COL5A1: variants seen among roughly 807,000 people sequenced by gnomAD.
COL5A1 encodes the protein collagen type V alpha 1 chain.
Under a neutral mutation model 263.7 loss-of-function variants are expected in COL5A1, and 16 were observed. The observed-to-expected ratio is 0.06, with a 90% CI of 0.04 to 0.09. COL5A1 has a LOEUF of 0.09. COL5A1 is among the 10% of genes least tolerant of loss of function. The probability of loss-of-function intolerance (pLI) is 1.00; values close to 1 mark genes in which losing one functional copy is unlikely to be tolerated. For missense variants in COL5A1, 2,036 were observed against 2,540.5 expected, an observed-to-expected ratio of 0.80 and a Z score of 4.27; for synonymous variants, 1,012 against 1,004.5, an observed-to-expected ratio of 1.01 and a Z score of -0.14.
intron 20 of COL5A1, 28 bp downstream of exon 20, chr9:134,763,765 G>T (rs1349267666): frequency 6.2e-7 from 1 of 1,609,254 alleles, no homozygotes; most frequent in South Asian, 1.1e-5. Flanking sequence ...GTGGGACGGT[G>T]GGGGCTCAGT....
chr9:134,777,000 G>C (rs755167431), intron 27 of COL5A1, among the ~76,000 whole-genome samples: 5 of 152,200 alleles, frequency 3.3e-5, no homozygotes, highest in Non-Finnish European at 5.9e-5. Flanking sequence ...CCACCTCCTA[G>C]TTCCATTGCC....
At chr9:134,746,670 C>T (rs1835525176) in intron 11 of COL5A1, among the ~76,000 whole-genome samples, 1 of 152,276 alleles carries the variant, frequency 6.6e-6, no homozygotes, top group Admixed American at 6.5e-5. Context: ...ATAGGTATGA[C>T]ACTGAGAGCC....
intron 23 of COL5A1, 31 bp from the exon 24 acceptor site, chr9:134,767,279 C>T (rs1226271388): frequency 1.2e-6 from 2 of 1,612,548 alleles, no homozygotes; most frequent in East Asian, 2.2e-5. Context: ...AGCGCCCTCA[C>T]CTTCCCTTTC....
intron 1 of COL5A1, among the ~76,000 whole-genome samples, chr9:134,668,954 C>CCCATCCAT (rs760262319): frequency 0.32 from 34,930 of 110,238 alleles, 5,974 homozygotes; most frequent in African/African-American, 0.35. Flanking sequence ...CACCCACCCA[C>CCCATCCAT]CCATCCATCC....
intron 8 of COL5A1, 91 bp downstream of exon 8, chr9:134,731,754 G>A: frequency 7.1e-7 from 1 of 1,402,250 alleles, no homozygotes; most frequent in Non-Finnish European, 9.7e-7. Flanking sequence ...TCAGGGGTGG[G>A]CCTCTACGGG....
chr9:134,797,268 G>C (rs56013298), intron 36 of COL5A1, among the ~76,000 whole-genome samples: 10,968 of 152,320 alleles, frequency 0.072, 625 homozygotes, highest in African/African-American at 0.15. Context: ...TGGCTCTTCT[G>C]TCACAGCCCT....
intron 2 of COL5A1, among the ~76,000 whole-genome samples, chr9:134,697,237 C>T (rs12379870): frequency 0.041 from 6,171 of 152,132 alleles, 145 homozygotes; most frequent in South Asian, 0.074. Flanking sequence ...TGTCATGACT[C>T]GAATGGGCCA....
At chr9:134,643,380 C>A (rs1028254679) in intron 1 of COL5A1, among the ~76,000 whole-genome samples, 1 of 152,160 alleles carries the variant, frequency 6.6e-6, no homozygotes, top group Non-Finnish European at 1.5e-5. Context: ...GCTCAGCGAA[C>A]GTCTGGACCA....
chr9:134,767,177 C>T lies in COL5A1; in HGVS notation c.2187+124C>T, dbSNP rs963492245. The T allele has an allele frequency of 4.3e-6, 6 of 1,402,862 alleles. No individual in the cohort carries two copies. The East Asian group carries it at 1.4e-4, about 32-fold the overall frequency. 86.9% of individuals were successfully genotyped at this position (1,402,862 alleles called of 1,614,324 possible). A position where few individuals can be genotyped will look rare whatever the true frequency, so the allele number is the denominator to read the frequency against. On this transcript the variant is annotated intron_variant, in intron 23 of 65. Coordinates refer to ENST00000371817, the MANE Select transcript of COL5A1 (RefSeq NM_000093.5). ...TCCAAGTAGCAGCCCCTCCCCTTATCTGGAGGGAGACTAGGACCTGGGTTG... is the reference window on the plus strand; with the variant it reads ...TCCAAGTAGCAGCCCCTCCCCTTATTTGGAGGGAGACTAGGACCTGGGTTG...
At chr9:134,833,172 T>C (rs1223622721) in intron 64 of COL5A1, among the ~76,000 whole-genome samples, 1 of 152,240 alleles carries the variant, frequency 6.6e-6, no homozygotes, top group African/African-American at 2.4e-5. Flanking sequence ...AGGTCCTGCC[T>C]AGGCCAGGAG....
In COL5A1 at chr9:134,815,600, C is replaced by T. The variant is rs769470285; in HGVS notation, c.4039C>T (p.Pro1347Ser). The stretch of plus-strand genomic sequence containing the variant: ...GGGCCCAGTGGGTTTTCCTGGAGAT[C>T]CTGGCCCCCCCGGAGAGCCTGGCCC... ...SPGPVGFPGD[P>S]GPPGEPGPAG... The change falls in exon 51 of 66, where the codon CCT becomes TCT. Residue 1347 changes from proline (P) to serine (S), a missense_variant. Transcript: ENST00000371817. The T allele has an allele frequency of 3.1e-6, 5 of 1,613,752 alleles. No homozygotes were observed. The highest frequency in any genetic ancestry group is 2.2e-5 in the East Asian group (1 of 44,862).
At chr9:134,756,325 G>A (rs1275803857) in intron 16 of COL5A1, among the ~76,000 whole-genome samples, 2 of 152,206 alleles carry the variant, frequency 1.3e-5, no homozygotes, top group Non-Finnish European at 2.9e-5. Flanking sequence ...AACCAGATGT[G>A]TCCTTTCTCT....
Position 134,795,172 on chromosome 9 carries a change from T to A in COL5A1, c.2745+46T>A, listed in dbSNP as rs755551893. ...TGGGCATGTTTGGGAAACGGGAGCA[T>A]GGTTTAGGGAGCACGTGCCAGGGGC... is the stretch of plus-strand genomic sequence containing the variant. On this transcript the variant is annotated intron_variant, in intron 33 of 65. Coordinates refer to ENST00000371817, the MANE Select transcript of COL5A1 (RefSeq NM_000093.5). 5 of 1,613,228 alleles carry A rather than the reference T, an allele frequency of 3.1e-6. No individual in the cohort carries two copies. The East Asian group carries it at 1.1e-4, about 36-fold the overall frequency.
At chr9:134,799,960 C>A (rs572685256) in intron 37 of COL5A1, among the ~76,000 whole-genome samples, 1 of 152,308 alleles carries the variant, frequency 6.6e-6, no homozygotes, top group South Asian at 2.1e-4. Context: ...GCCACCCCGG[C>A]CACCTCTCTA....
intron 28 of COL5A1, 57 bp from the exon 29 acceptor site, chr9:134,782,610 C>A: frequency 6.5e-7 from 1 of 1,546,534 alleles, no homozygotes; most frequent in East Asian, 2.2e-5. Context: ...GGGAAGGGAC[C>A]GCCAGGGAGG....
chr9:134,817,911 T>C lies in COL5A1; in HGVS notation c.4230+80T>C, dbSNP rs535925275. On this transcript the variant is annotated intron_variant, in intron 54 of 65. Transcript: ENST00000371817. Reference sequence around the variant, plus strand: ...AGAGGGTGGGGAGTGGACAAGCGTGTGGGCAGAGATGTCCATGGAGGCTGA... The same window carrying C: ...AGAGGGTGGGGAGTGGACAAGCGTGCGGGCAGAGATGTCCATGGAGGCTGA... 6.1e-4 allele frequency: 845 copies of C among 1,387,254 alleles called. 9 individuals carry two copies. The Middle Eastern group carries it at 0.021, about 34-fold the overall frequency. 85.9% of individuals were successfully genotyped at this position (1,387,254 alleles called of 1,614,324 possible).
chr9:134,801,805 A>G (rs1564468275), intron 37 of COL5A1, 149 bp from the exon 38 acceptor site: 7 of 747,020 alleles, frequency 9.4e-6, no homozygotes, highest in Non-Finnish European at 1.6e-5. Context: ...AAAAAAATGA[A>G]ACAAGAGACA....
intron 11 of COL5A1, among the ~76,000 whole-genome samples, chr9:134,740,657 G>A (rs1588490561): frequency 6.6e-6 from 1 of 152,292 alleles, no homozygotes; most frequent in East Asian, 1.9e-4. Flanking sequence ...CTCTAGCCTG[G>A]GGATCTCAAT....
At chr9:134,798,539 C>T (rs1341052537) in intron 37 of COL5A1, 78 bp downstream of exon 37, 17 of 1,418,664 alleles carry the variant, frequency 1.2e-5, no homozygotes, top group Non-Finnish European at 1.7e-5. Flanking sequence ...CCTCGCTGCC[C>T]AGCGCCATCT....
Sources: allele counts gnomAD v4.1 joint callset (sites outside exome capture counted in the v4.1 genomes callset), GRCh38; gene constraint gnomAD v4.1.1; transcripts MANE v1.5; gene names NCBI Gene and HGNC (gene_info 2026-07-23, HGNC 2026-07-21).